Variants in KMT5C observed in about 807,000 individuals in gnomAD.
The protein encoded by KMT5C is histone-lysine N-methyltransferase KMT5C.
In KMT5C, 16 loss-of-function variants were observed where a neutral mutation model predicts 38.2. The observed-to-expected ratio is 0.42, with a 90% CI of 0.28 to 0.64. The LOEUF is 0.64. KMT5C is among the 30% of genes least tolerant of loss of function. KMT5C has a pLI of 0.23. For synonymous variants in KMT5C, 291 were observed against 279.0 expected (o/e 1.04, Z -0.43); for missense variants, 598 against 665.1 (o/e 0.90, Z 1.11).
At position 55,346,527 on chromosome 19, in the gene KMT5C, G is replaced by T; in HGVS notation, c.735G>T (p.Arg245Ser). ...AAGGTGAAGGAGCTTTCCGAACCAG[G>T]CCTAGGGAGCCCGCGTTGCCACCAC... ...ERKGEGAFRT[R>S]PREPALPPRP... Residue 245 changes from arginine (R) to serine (S), a missense_variant, in exon 8 of 9, where the codon AGG becomes AGT. Physicochemically the swap from Arg to Ser is moderately radical, Grantham distance 110. Coordinates refer to ENST00000255613, the MANE Select transcript of KMT5C (RefSeq NM_032701.4). 6.3e-7 allele frequency: 1 copy of T among 1,597,356 alleles called. No individual in the cohort carries two copies. The highest frequency in any genetic ancestry group is 8.5e-7 in the Non-Finnish European group (1 of 1,172,602).
intron 6 of KMT5C, chr19:55,344,205 A>G (rs1368124717): frequency 2.1e-6 from 1 of 483,280 alleles, no homozygotes; most frequent in Non-Finnish European, 3.8e-6. Context: ...TACTAAAAAC[A>G]CAAAAAATTA....
At position 55,346,522 on chromosome 19, in the gene KMT5C, A is replaced by T. The variant is rs765478334; in HGVS notation, c.730A>T (p.Thr244Ser). The change falls in exon 8 of 9, where the codon ACC becomes TCC. Residue 244 changes from threonine (T) to serine (S), a missense_variant. Transcript: ENST00000255613. ...CAGGAAAGGTGAAGGAGCTTTCCGA[A>T]CCAGGCCTAGGGAGCCCGCGTTGCC... Reference protein sequence around the residue: ...CERKGEGAFRTRPREPALPPR... With the variant: ...CERKGEGAFRSRPREPALPPR... 6.3e-7 allele frequency: 1 copy of T among 1,597,004 alleles called. No homozygotes were observed. The highest frequency in any genetic ancestry group is 1.1e-5 in the South Asian group (1 of 88,484).
intron 6 of KMT5C, among the ~76,000 whole-genome samples, chr19:55,345,400 C>A (rs2089606304): frequency 6.6e-6 from 1 of 152,022 alleles, no homozygotes; most frequent in Non-Finnish European, 1.5e-5. Context: ...GGCCCATGTG[C>A]AGGAGGCTTG....
chr19:55,343,253 C>T lies in KMT5C; in HGVS notation c.386+402C>T. ...ACAAGTCAACATGCAGTCACTGGTC[C>T]CAGCTGGTACATGCTGCAGGGGAGC... On this transcript the variant is annotated intron_variant, in intron 4 of 8. Coordinates refer to ENST00000255613, the MANE Select transcript of KMT5C (RefSeq NM_032701.4). This position sits in a 1 kb window ranked among gnomAD's most constrained non-coding sequence, Gnocchi z 5.5. 1 of 308,254 alleles carries T rather than the reference C, an allele frequency of 3.2e-6. No individual in the cohort carries two copies. Among genetic ancestry groups the T allele is most frequent in the Non-Finnish European group, 6.2e-6 (1 of 160,892 alleles). 19.1% of individuals were successfully genotyped at this position (308,254 alleles called of 1,614,324 possible).
rs1197919426 is a variant in KMT5C at position 55,346,203 on chromosome 19, T to C, written c.571-10T>C. On this transcript the variant is annotated splice_polypyrimidine_tract_variant and intron_variant, in intron 6 of 8. Coordinates refer to ENST00000255613, the MANE Select transcript of KMT5C (RefSeq NM_032701.4). ...CCTGGGCCAGGGCGCTGAGTGGGCT[T>C]GGCCCTCAGTTTGTGCCTGCAGATG... is the stretch of plus-strand genomic sequence containing the variant. The C allele has an allele frequency of 1.2e-6, 2 of 1,613,478 alleles. No homozygotes were observed. Among genetic ancestry groups the C allele is most frequent in the South Asian group, 1.1e-5 (1 of 91,088 alleles).
Position 55,343,130 on chromosome 19 carries a change from C to T in KMT5C, c.386+279C>T. 1 of 393,172 alleles carries T rather than the reference C, an allele frequency of 2.5e-6. No homozygotes were observed. The highest frequency in any genetic ancestry group is 4.7e-6 in the Non-Finnish European group (1 of 211,526). The allele number at this position is 393,172 out of a possible 1,614,324, so 24.4% of individuals were successfully genotyped here. A position where few individuals can be genotyped will look rare whatever the true frequency, so the allele number is the denominator to read the frequency against. ...CGTGCTGTCCTTACCTCCTTGTGAC[C>T]TGAGCCCCCACCACATGTTAAACAC... On this transcript the variant is annotated intron_variant, in intron 4 of 8. Coordinates refer to ENST00000255613, the MANE Select transcript of KMT5C (RefSeq NM_032701.4). The surrounding 1 kb of genome is among the most constrained non-coding windows in gnomAD (Gnocchi z 5.5).
Position 55,343,955 on chromosome 19 carries a change from T to C in KMT5C, c.551-23T>C. ...GCCGAGCTCATCTACCTCTCTTCTCTCTCCTGCCCCAACTGGCTCCAGACT... is the reference window on the plus strand; with the variant it reads ...GCCGAGCTCATCTACCTCTCTTCTCCCTCCTGCCCCAACTGGCTCCAGACT... On this transcript the variant is annotated intron_variant, in intron 5 of 8. Transcript: ENST00000255613. This position sits in a 1 kb window ranked among gnomAD's most constrained non-coding sequence, Gnocchi z 5.5. 1 of 1,611,258 alleles carries C rather than the reference T, an allele frequency of 6.2e-7. No homozygotes were observed. The highest frequency in any genetic ancestry group is 8.5e-7 in the Non-Finnish European group (1 of 1,177,914).
In KMT5C at chr19:55,343,977, G is replaced by A; in HGVS notation, c.551-1G>A. On this transcript the variant is annotated splice_acceptor_variant, in intron 5 of 8. Transcript: ENST00000255613. LOFTEE classifies it high-confidence loss of function. The surrounding 1 kb of genome is among the most constrained non-coding windows in gnomAD (Gnocchi z 5.5). ...CTCTCTCCTGCCCCAACTGGCTCCA[G>A]ACTGCAAACCCAACTGCAAGGTAAG... 1 of 1,612,616 alleles carries A rather than the reference G, an allele frequency of 6.2e-7. No homozygotes were observed. Among genetic ancestry groups the A allele is most frequent in the Non-Finnish European group, 8.5e-7 (1 of 1,178,826 alleles).
At position 55,346,581 on chromosome 19, in the gene KMT5C, G is replaced by T; in HGVS notation, c.789G>T (p.Glu263Asp). Residue 263 changes from glutamate (E) to aspartate (D), a missense_variant, in exon 8 of 9, where the codon GAG becomes GAT. Physicochemically the swap from Glu to Asp is conservative, Grantham distance 45. Coordinates refer to ENST00000255613, the MANE Select transcript of KMT5C (RefSeq NM_032701.4). ...CCCTGGACAAGTACCAGCTGCGTGA[G>T]ACCAAGCGGCGGCTGCAGCAAGGCC... The part of the protein sequence containing the change: ...PRPLDKYQLR[E>D]TKRRLQQGLD... 1.3e-6 allele frequency: 2 copies of T among 1,586,540 alleles called. No individual in the cohort carries two copies. The highest frequency in any genetic ancestry group is 1.1e-5 in the South Asian group (1 of 87,100).
At chr19:55,345,082 G>C in intron 6 of KMT5C, 1 of 456,070 alleles carries the variant, frequency 2.2e-6, no homozygotes, top group Non-Finnish European at 4.4e-6. Context: ...CATTCGGAGA[G>C]GCTCTGCAGG....
chr19:55,346,995 G>A lies in KMT5C; in HGVS notation c.935G>A (p.Arg312His), dbSNP rs776285868. Residue 312 changes from arginine to histidine, a missense_variant, in exon 9 of 9, where the codon CGC (arginine) becomes CAC (histidine). By Grantham distance (29) the Arg-to-His change is conservative (BLOSUM62 0). Transcript: ENST00000255613. Reference protein sequence around the residue: ...QPLRLPACSARPDTSPLWLQW... With the variant: ...QPLRLPACSAHPDTSPLWLQW... ...CTGCGCCTGCCAGCCTGCAGCGCCC[G>A]CCCAGACACCTCACCCCTCTGGCTC... The A allele has an allele frequency of 2.5e-5, 32 of 1,260,848 alleles. No homozygotes were observed. Among genetic ancestry groups the A allele is most frequent in the East Asian group, 2.1e-4 (9 of 43,248 alleles). The allele number at this position is 1,260,848 out of a possible 1,614,324, so 78.1% of individuals were successfully genotyped here. A position where few individuals can be genotyped will look rare whatever the true frequency, so the allele number is the denominator to read the frequency against.
chr19:55,341,291 C>G (rs1454085982), intron 1 of KMT5C, among the ~76,000 whole-genome samples: 5 of 152,178 alleles, frequency 3.3e-5, no homozygotes, highest in African/African-American at 7.2e-5. Context: ...CCCCTGCCCT[C>G]CCTCCCGTCA....
rs1245143086 is a variant in KMT5C at position 55,342,026 on chromosome 19, C to T, written c.90C>T (p.Arg30=). ...SLVLDPYLGF[R]THKMNVSPVP... ...TCCTGGACCCCTACCTCGGTTTCCGCACCCATAAGATGAACGTCAGGTGAG... is the reference window on the plus strand; with the variant it reads ...TCCTGGACCCCTACCTCGGTTTCCGTACCCATAAGATGAACGTCAGGTGAG... Residue 30 remains arginine, a synonymous_variant, in exon 2 of 9, where the codon CGC becomes CGT. Coordinates refer to ENST00000255613, the MANE Select transcript of KMT5C (RefSeq NM_032701.4). The T allele has an allele frequency of 1.2e-6, 2 of 1,613,574 alleles. No homozygotes were observed. Among genetic ancestry groups the T allele is most frequent in the Admixed American group, 3.3e-5 (2 of 60,022 alleles).
rs758243834 is a variant in KMT5C, at chr19:55,343,895, G to A, written c.550+52G>A. 2 of 1,607,730 alleles carry A rather than the reference G, an allele frequency of 1.2e-6. No individual in the cohort carries two copies. The highest frequency in any genetic ancestry group is 1.3e-5 in the African/African-American group (1 of 74,808). On this transcript the variant is annotated intron_variant, in intron 5 of 8. Coordinates refer to ENST00000255613, the MANE Select transcript of KMT5C (RefSeq NM_032701.4). This position sits in a 1 kb window ranked among gnomAD's most constrained non-coding sequence, Gnocchi z 5.5. Reference sequence around the variant, plus strand: ...GGACGGGATAGAGCCAGGCAGGGCTGGAGGGGTGTAGTGGGAGGGTTCTGC... The same window carrying A: ...GGACGGGATAGAGCCAGGCAGGGCTAGAGGGGTGTAGTGGGAGGGTTCTGC...
At position 55,346,952 on chromosome 19, in the gene KMT5C, A is replaced by C. The variant is rs2089626202; in HGVS notation, c.896-4A>C. The C allele has an allele frequency of 1.1e-6, 1 of 936,348 alleles. No homozygotes were observed. The highest frequency in any genetic ancestry group is 1.6e-5 in the African/African-American group (1 of 61,742). The allele number at this position is 936,348 out of a possible 1,614,324, so 58.0% of individuals were successfully genotyped here. ...TCCTCTCCCTGCCACCTGGGCCTTCACAGCCGCCTGCCAGCCCCTGCGCCT... is the reference window on the plus strand; with the variant it reads ...TCCTCTCCCTGCCACCTGGGCCTTCCCAGCCGCCTGCCAGCCCCTGCGCCT... On this transcript the variant is annotated splice_polypyrimidine_tract_variant and splice_region_variant and intron_variant, in intron 8 of 8. Coordinates refer to ENST00000255613, the MANE Select transcript of KMT5C (RefSeq NM_032701.4).
Position 55,343,185 on chromosome 19 carries a change from T to TGCCCCTGCCCCC in KMT5C, c.386+342_386+343insCCCCGCCCCTGC. 1 of 354,384 alleles carries TGCCCCTGCCCCC rather than the reference T, an allele frequency of 2.8e-6. No homozygotes were observed. The highest frequency in any genetic ancestry group is 5.3e-6 in the Non-Finnish European group (1 of 189,146). 22.0% of individuals were successfully genotyped at this position (354,384 alleles called of 1,614,324 possible). A position where few individuals can be genotyped will look rare whatever the true frequency, so the allele number is the denominator to read the frequency against. On this transcript the variant is annotated intron_variant, in intron 4 of 8. Coordinates refer to ENST00000255613, the MANE Select transcript of KMT5C (RefSeq NM_032701.4). This position sits in a 1 kb window ranked among gnomAD's most constrained non-coding sequence, Gnocchi z 5.5. ...GAGTGCAATGAGGAGCCCCTGCCCC[T>TGCCCCTGCCCCC]GCCCCTGCGGGGTTCACAGTCTGGT...
Position 55,340,478 on chromosome 19 carries a change from C to T in KMT5C, c.-144+521C>T, listed in dbSNP as rs1336209917. On this transcript the variant is annotated intron_variant, in intron 1 of 8. Coordinates refer to ENST00000255613, the MANE Select transcript of KMT5C (RefSeq NM_032701.4). ...TGACCCCTCTGTCCCTCTCCTGGCACTCCCTGGACCCTGAGGTCGGCCTCT... is the reference window on the plus strand; with the variant it reads ...TGACCCCTCTGTCCCTCTCCTGGCATTCCCTGGACCCTGAGGTCGGCCTCT... 2.0e-5 allele frequency among the ~76,000 whole-genome samples: 3 copies of T among 152,098 alleles called. No individual in the cohort carries two copies. The East Asian group carries it at 5.8e-4, about 30-fold the overall frequency.
chr19:55,344,396 C>A (rs1440569950), intron 6 of KMT5C: 2 of 298,922 alleles, frequency 6.7e-6, no homozygotes. Flanking sequence ...AATGCTGCCC[C>A]ATGTCTCCAT....
rs978807208 is a variant in KMT5C, at chr19:55,343,425, G to C, written c.387-255G>C. ...GCTATGAGAGCGAGGGGAGAGAATG[G>C]GGGCTGTATCTGCTGTGTGCGTGCT... is the stretch of plus-strand genomic sequence containing the variant. On this transcript the variant is annotated intron_variant, in intron 4 of 8. Coordinates refer to ENST00000255613, the MANE Select transcript of KMT5C (RefSeq NM_032701.4). The surrounding 1 kb of genome is among the most constrained non-coding windows in gnomAD (Gnocchi z 5.5). 2.0e-5 allele frequency: 11 copies of C among 542,060 alleles called. No individual in the cohort carries two copies. The highest frequency in any genetic ancestry group is 3.8e-5 in the African/African-American group (2 of 52,800). The allele number at this position is 542,060 out of a possible 1,614,324, so 33.6% of individuals were successfully genotyped here. A position where few individuals can be genotyped will look rare whatever the true frequency, so the allele number is the denominator to read the frequency against.
Sources: gnomAD v4.1 joint callset for allele counts (sites outside exome capture counted in the v4.1 genomes callset) on GRCh38, gnomAD v4.1.1 for gene constraint, Gnocchi (gnomAD v3.1) non-coding constraint, MANE v1.5 for transcripts, NCBI Gene and HGNC (gene_info 2026-07-23, HGNC 2026-07-21) for gene names.